Variants in PHF11 observed in about 807,000 individuals in gnomAD.
The protein encoded by PHF11 is BRCA1 C-terminus-associated protein.
PHF11 carries 38 observed loss-of-function variants against 40.5 expected under a neutral mutation model. The observed-to-expected ratio is 0.94, with a 90% CI of 0.72 to 1.23. The LOEUF (loss-of-function observed/expected upper bound fraction) is 1.23. Among genes scored for constraint, PHF11 ranks in the 50% most tolerant of loss-of-function variants. PHF11 has a pLI of 0.00. For synonymous variants in PHF11, 127 were observed against 138.2 expected, an observed-to-expected ratio of 0.92 and a Z score of 0.57; for missense variants, 369 against 392.4, an observed-to-expected ratio of 0.94 and a Z score of 0.50.
Position 49,522,073 on chromosome 13 carries a change from G to A in PHF11, c.536G>A (p.Gly179Glu), listed in dbSNP as rs762200277. 2.6e-6 allele frequency: 4 copies of A among 1,562,572 alleles called. No individual in the cohort carries two copies. Among genetic ancestry groups the A allele is most frequent in the African/African-American group, 1.4e-5 (1 of 73,798 alleles). Residue 179 changes from glycine (G) to glutamate (E), a missense_variant, in exon 6 of 10, where the codon GGA becomes GAA. By Grantham distance (98) the Gly-to-Glu change is moderately conservative. Transcript: ENST00000378319. Reference sequence around the variant, plus strand: ...TTTTCAGGAGTGAAAAGAAAAAGAGGAAGGAAGAAACCCCTCTCAGGCAAT... The same window carrying A: ...TTTTCAGGAGTGAAAAGAAAAAGAGAAAGGAAGAAACCCCTCTCAGGCAAT... Reference protein sequence around the residue: ...AKFSGVKRKRGRKKPLSGNHV... With the variant: ...AKFSGVKRKRERKKPLSGNHV...
In PHF11 at chr13:49,498,037, G is replaced by C. The variant is rs192401434; in HGVS notation, c.94+1942G>C. On this transcript the variant is annotated intron_variant, in intron 1 of 9. Transcript: ENST00000378319. ...CCTTCTGCTCTATTCTTTCTCTATA[G>C]TACTTATCACTACCTGGAAAACAAA... Among the ~76,000 whole-genome samples, 18 of 152,130 alleles carry C rather than the reference G, an allele frequency of 1.2e-4. 1 individual carries two copies. The East Asian group carries it at 3.5e-3, about 29-fold the overall frequency.
intron 8 of PHF11, among the ~76,000 whole-genome samples, chr13:49,525,358 T>C (rs540107557): frequency 6.6e-6 from 1 of 152,272 alleles, no homozygotes; most frequent in South Asian, 2.1e-4. Flanking sequence ...AGTGATTCTC[T>C]TGCCTTAGTC....
chr13:49,514,893 G>A (rs1244478318), intron 3 of PHF11, among the ~76,000 whole-genome samples: 1 of 152,186 alleles, frequency 6.6e-6, no homozygotes, highest in Non-Finnish European at 1.5e-5. Context: ...TGGGTGTGAT[G>A]AGATGGGTGA....
At chr13:49,515,720 C>G (rs1182604782) in intron 3 of PHF11, among the ~76,000 whole-genome samples, 3 of 152,114 alleles carry the variant, frequency 2.0e-5, no homozygotes, top group Non-Finnish European at 4.4e-5. Context: ...AAAGCGAGTA[C>G]TGACACTCGC....
intron 5 of PHF11, chr13:49,521,455 C>T (rs1031950554): frequency 7.1e-6 from 7 of 986,128 alleles, no homozygotes; most frequent in Non-Finnish European, 8.4e-6. Context: ...GGAGTCAGGA[C>T]CTCGTTGGAA....
intron 8 of PHF11, 65 bp from the exon 9 acceptor site, chr13:49,526,322 A>C (rs372619554): frequency 5.8e-5 from 57 of 990,202 alleles, no homozygotes; most frequent in Admixed American, 4.1e-4. Flanking sequence ...TGGATTACAT[A>C]TATAAATGGA....
intron 1 of PHF11, chr13:49,497,175 T>C: frequency 7.8e-7 from 1 of 1,289,586 alleles, no homozygotes. Flanking sequence ...CACAAGCCAA[T>C]CAGTTGGATA....
chr13:49,528,661 AT>A lies in PHF11; in HGVS notation c.994del (p.Ter332ArgfsTer30). The stretch of plus-strand genomic sequence containing the variant: ...TCTACATCAATATCATCCCTGTCTT[AT>A]TAGGGATTACCGTTTCCTAAGCCAA... ...SSSTSISSLS[Y>X] is the part of the protein sequence containing the mutation. On this transcript the variant is annotated frameshift_variant, in exon 10 of 10. Transcript: ENST00000378319. LOFTEE classifies it high-confidence loss of function. 1.3e-6 allele frequency: 2 copies of A among 1,594,794 alleles called. No individual in the cohort carries two copies. The highest frequency in any genetic ancestry group is 8.5e-7 in the Non-Finnish European group (1 of 1,170,954).
rs1225304774 is a variant in PHF11 at position 49,528,650 on chromosome 13, A to G, written c.981A>G (p.Ser327=). 1.2e-6 allele frequency: 2 copies of G among 1,602,810 alleles called. No homozygotes were observed. The highest frequency in any genetic ancestry group is 2.7e-5 in the African/African-American group (2 of 74,444). ...TTATGTCAAGTTCTACATCAATATC[A>G]TCCCTGTCTTATTAGGGATTACCGT... The part of the protein sequence containing the change: ...RDLMSSSTSI[S]SLSY Residue 327 remains serine, a synonymous_variant, in exon 10 of 10, where the codon TCA becomes TCG. Coordinates refer to ENST00000378319, the MANE Select transcript of PHF11 (RefSeq NM_001040443.3).
intron 8 of PHF11, 74 bp downstream of exon 8, chr13:49,524,290 GAAA>G: frequency 3.7e-6 from 3 of 805,176 alleles, no homozygotes; most frequent in Non-Finnish European, 3.5e-6. Flanking sequence ...ACAAACCCAA[GAAA>G]AAAAAAAAGG....
intron 6 of PHF11, among the ~76,000 whole-genome samples, chr13:49,522,958 T>G (rs1163009794): frequency 2.0e-5 from 3 of 151,870 alleles, no homozygotes; most frequent in Admixed American, 6.6e-5. Context: ...AGCAACAAGG[T>G]TTCACCCTGT....
intron 4 of PHF11, 31 bp from the exon 5 acceptor site, chr13:49,520,862 AT>A: frequency 7.0e-7 from 1 of 1,424,588 alleles, no homozygotes; most frequent in Non-Finnish European, 9.7e-7. Context: ...AAATAAAAAT[AT>A]TTTACAATTC....
rs1439943480 is a variant in PHF11, at chr13:49,504,757, C to T, written c.95-1878C>T. On this transcript the variant is annotated intron_variant, in intron 1 of 9. Transcript: ENST00000378319. ...GAACGGGCCAGGATGACAATCGCGGCTTTGTGGAATAGAAAGGGGGGAAAG... is the reference window on the plus strand; with the variant it reads ...GAACGGGCCAGGATGACAATCGCGGTTTTGTGGAATAGAAAGGGGGGAAAG... Among the ~76,000 whole-genome samples, 7 of 151,780 alleles carry T rather than the reference C, an allele frequency of 4.6e-5. No individual in the cohort carries two copies. The East Asian group carries it at 5.8e-4, about 13-fold the overall frequency.
chr13:49,524,230 G>A lies in PHF11; in HGVS notation c.769+14G>A, dbSNP rs778287846. The A allele has an allele frequency of 6.3e-7, 1 of 1,590,110 alleles. No homozygotes were observed. Among genetic ancestry groups the A allele is most frequent in the South Asian group, 1.1e-5 (1 of 88,260 alleles). On this transcript the variant is annotated intron_variant, in intron 8 of 9. Transcript: ENST00000378319. ...CTTCAGAATCAGGTACTGATGAAGA[G>A]CAATATTTCGAAGTATAGAGACTTC...
chr13:49,526,285 G>A, intron 8 of PHF11, 102 bp from the exon 9 acceptor site: 1 of 731,036 alleles, frequency 1.4e-6, no homozygotes, highest in Non-Finnish European at 2.5e-6. Context: ...CATGGCACAT[G>A]ACTGCTCTCT....
chr13:49,526,388 CTA>C lies in PHF11; in HGVS notation c.773_774del (p.Tyr258Ter), dbSNP rs761749186. Reference protein sequence around the residue: ...LMDETTSESDYEEIGSALFDC... With the variant: ...LMDETTSESDXEEIGSALFDC... ...TTGAAAATGTTTCTCTCCCTCCAGA[CTA>C]TGAAGAAATCGGGAGTGCACTTTTT... On this transcript the variant is annotated frameshift_variant and splice_region_variant, in exon 9 of 10. Transcript: ENST00000378319. LOFTEE classifies it high-confidence loss of function. 2 of 1,600,058 alleles carry C rather than the reference CTA, an allele frequency of 1.2e-6. No individual in the cohort carries two copies. The highest frequency in any genetic ancestry group is 2.7e-5 in the African/African-American group (2 of 74,574).
intron 9 of PHF11, among the ~76,000 whole-genome samples, chr13:49,527,601 G>A (rs1248477088): frequency 6.6e-6 from 1 of 152,134 alleles, no homozygotes; most frequent in Non-Finnish European, 1.5e-5. Context: ...AGTCTTTTGA[G>A]GATGTCTGCT....
intron 3 of PHF11, among the ~76,000 whole-genome samples, chr13:49,515,271 G>T (rs1416772119): frequency 3.9e-5 from 6 of 152,032 alleles, no homozygotes; most frequent in Non-Finnish European, 8.8e-5. Flanking sequence ...ACACACCCAG[G>T]GTGGGGACAG....
At chr13:49,527,303 C>T (rs149935004) in intron 9 of PHF11, 1 of 152,298 alleles carries the variant, frequency 6.6e-6, no homozygotes, top group African/African-American at 2.4e-5. Flanking sequence ...GCAGGCCGGG[C>T]ACAGAGTCAA....
Sources: gnomAD v4.1 joint callset for allele counts (sites outside exome capture counted in the v4.1 genomes callset) on GRCh38, gnomAD v4.1.1 for gene constraint, MANE v1.5 for transcripts, NCBI Gene and HGNC (gene_info 2026-07-23, HGNC 2026-07-21) for gene names.